Variants in DPP10 observed in about 807,000 individuals in gnomAD.
DPP10 encodes dipeptidyl peptidase like 10, also known as inactive dipeptidyl peptidase 10.
In DPP10, 33 loss-of-function variants were observed where a neutral mutation model predicts 120.9. The observed-to-expected ratio is 0.27, with a 90% CI of 0.21 to 0.37. DPP10 has a LOEUF of 0.37. Among genes scored for constraint, DPP10 ranks in the 10% least tolerant of loss-of-function variants. The probability of loss-of-function intolerance (pLI) is 1.00; values close to 1 mark genes in which losing one functional copy is unlikely to be tolerated. For synonymous variants in DPP10, 337 were observed against 326.1 expected, an observed-to-expected ratio of 1.03 and a Z score of -0.36; for missense variants, 816 against 942.8, an observed-to-expected ratio of 0.87 and a Z score of 1.76.
At chr2:115,508,099 A>T (rs558435418) in intron 4 of DPP10, among the ~76,000 whole-genome samples, 1 of 152,162 alleles carries the variant, frequency 6.6e-6, no homozygotes, top group Non-Finnish European at 1.5e-5. Flanking sequence ...TCTTATATGT[A>T]CATGTTTATG....
In DPP10 at chr2:114,919,056, A is replaced by T. The variant is rs1695014252; in HGVS notation, c.61-390183A>T. 2.4e-5 allele frequency among the ~76,000 whole-genome samples: 3 copies of T among 125,904 alleles called. No individual in the cohort carries two copies. In the South Asian group the frequency reaches 7.7e-4, roughly 32 times the overall value. The allele number at this position is 125,904 out of a possible 152,430, so 82.6% of individuals were successfully genotyped here. A position where few individuals can be genotyped will look rare whatever the true frequency, so the allele number is the denominator to read the frequency against. ...GATTCCAAAAAAAAAAAAAAAAAAG[A>T]CCTTTCTGATGGATTAAATGAGGGT... On this transcript the variant is annotated intron_variant, in intron 1 of 25. Coordinates refer to ENST00000410059, the MANE Select transcript of DPP10 (RefSeq NM_020868.6).
chr2:114,535,670 C>T (rs1686424104), intron 1 of DPP10, among the ~76,000 whole-genome samples: 1 of 152,116 alleles, frequency 6.6e-6, no homozygotes, highest in African/African-American at 2.4e-5. Context: ...TTGTATTTTC[C>T]CTGCTGCAAA....
chr2:115,265,268 C>CATATATATATATAT (rs55778302), intron 1 of DPP10, among the ~76,000 whole-genome samples: 3 of 142,496 alleles, frequency 2.1e-5, no homozygotes, highest in African/African-American at 5.2e-5. Flanking sequence ...CTTTGGATTC[C>CATATATATATATAT]ATATATATAT....
chr2:114,768,171 A>G (rs868437617), intron 1 of DPP10, among the ~76,000 whole-genome samples: 1 of 152,046 alleles, frequency 6.6e-6, no homozygotes, highest in African/African-American at 2.4e-5. Context: ...AAAAAAATCA[A>G]TCCAGAATTA....
intron 2 of DPP10, among the ~76,000 whole-genome samples, chr2:115,339,357 G>A (rs922893094): frequency 2.6e-5 from 4 of 152,004 alleles, no homozygotes; most frequent in African/African-American, 7.2e-5. Flanking sequence ...CATTGCTGGT[G>A]AGAATGTAAA....
At chr2:115,402,855 ATATAT>A (rs1251749568) in intron 3 of DPP10, among the ~76,000 whole-genome samples, 734 of 61,792 alleles carry the variant, frequency 0.012, 24 homozygotes, top group South Asian at 0.056. Context: ...AAAAAAAAAA[ATATAT>A]ATATATATAT....
intron 1 of DPP10, among the ~76,000 whole-genome samples, chr2:115,043,642 T>C (rs999099771): frequency 3.9e-5 from 6 of 152,222 alleles, no homozygotes; most frequent in African/African-American, 1.2e-4. Flanking sequence ...CCTCATTGCA[T>C]GTCTGCTGGT....
intron 1 of DPP10, among the ~76,000 whole-genome samples, chr2:115,137,617 T>C (rs1306802335): frequency 1.3e-5 from 2 of 152,158 alleles, no homozygotes; most frequent in Non-Finnish European, 2.9e-5. Flanking sequence ...AGGCTCTAGT[T>C]AAGAAGAGAT....
chr2:115,002,817 T>C (rs2105014376), intron 1 of DPP10, among the ~76,000 whole-genome samples: 1 of 152,148 alleles, frequency 6.6e-6, no homozygotes, highest in Non-Finnish European at 1.5e-5. Context: ...TGAGATACCA[T>C]CTCATGCTAG....
intron 1 of DPP10, among the ~76,000 whole-genome samples, chr2:115,003,480 T>C (rs1200994836): frequency 6.6e-6 from 1 of 151,818 alleles, no homozygotes. Flanking sequence ...AGTTTACCTA[T>C]AGAACAAATT....
At chr2:115,685,805 ACTTTC>A (rs1336501610) in intron 5 of DPP10, among the ~76,000 whole-genome samples, 4 of 152,064 alleles carry the variant, frequency 2.6e-5, no homozygotes, top group African/African-American at 9.7e-5. Context: ...TAACTTCTGT[ACTTTC>A]CTTGTGTTCA....
Position 114,999,200 on chromosome 2 carries a change from G to A in DPP10, c.61-310039G>A, listed in dbSNP as rs893919368. ...AAAAGGAGCAAAGTAAATATTAGTT[G>A]ACTGAATGAGTGAGTGAATGAGTGG... On this transcript the variant is annotated intron_variant, in intron 1 of 25. Transcript: ENST00000410059. Among the ~76,000 whole-genome samples, 4 of 152,236 alleles carry A rather than the reference G, an allele frequency of 2.6e-5. No individual in the cohort carries two copies. In the East Asian group the frequency reaches 7.7e-4, roughly 29 times the overall value.
intron 3 of DPP10, among the ~76,000 whole-genome samples, chr2:115,493,869 A>G (rs994256757): frequency 1.3e-5 from 2 of 152,174 alleles, no homozygotes; most frequent in Non-Finnish European, 1.5e-5. Context: ...GAAACCCCTC[A>G]GGCAAAAGGT....
intron 3 of DPP10, among the ~76,000 whole-genome samples, chr2:115,346,314 G>C (rs2063709269): frequency 6.6e-6 from 1 of 152,068 alleles, no homozygotes; most frequent in South Asian, 2.1e-4. Context: ...GGTTTTCTTT[G>C]TACATAAGTC....
At chr2:115,094,087 G>A (rs1279865406) in intron 1 of DPP10, among the ~76,000 whole-genome samples, 1 of 152,030 alleles carries the variant, frequency 6.6e-6, no homozygotes. Flanking sequence ...GTAACTTTGA[G>A]TTATTAAGTA....
intron 8 of DPP10, among the ~76,000 whole-genome samples, chr2:115,729,864 G>A (rs114917686): frequency 1.4e-4 from 22 of 152,128 alleles, no homozygotes; most frequent in Admixed American, 3.9e-4. Flanking sequence ...CAAGTGTTAC[G>A]CATGAGAAGA....
intron 1 of DPP10, among the ~76,000 whole-genome samples, chr2:115,200,542 C>T (rs751817054): frequency 6.6e-6 from 1 of 152,192 alleles, no homozygotes; most frequent in African/African-American, 2.4e-5. Context: ...ATTCATTATG[C>T]GGAAGAATAA....
Position 115,221,957 on chromosome 2 carries a change from A to G in DPP10, c.61-87282A>G, listed in dbSNP as rs188734280. 4.0e-4 allele frequency among the ~76,000 whole-genome samples: 61 copies of G among 152,186 alleles called. 1 individual carries two copies. The highest frequency in any genetic ancestry group is 3.4e-3 in the Middle Eastern group (1 of 294). ...TTGAAGCTGATTAGTGAAAATGCTA[A>G]GTGTGAGTAAGCAATGTTACTTAAA... On this transcript the variant is annotated intron_variant, in intron 1 of 25. Transcript: ENST00000410059.
At chr2:115,071,733 G>A (rs544862714) in intron 1 of DPP10, among the ~76,000 whole-genome samples, 22 of 152,194 alleles carry the variant, frequency 1.4e-4, no homozygotes, top group Admixed American at 1.4e-3. Flanking sequence ...TGTTTCAGCA[G>A]TAGGTGAGGG....
Sources: gnomAD v4.1 joint callset for allele counts (sites outside exome capture counted in the v4.1 genomes callset) on GRCh38, gnomAD v4.1.1 for gene constraint, MANE v1.5 for transcripts, NCBI Gene and HGNC (gene_info 2026-07-23, HGNC 2026-07-21) for gene names.